The following EYS variants were observed in gnomAD, a reference collection of about 807,000 sequenced individuals.
EYS encodes the protein protein eyes shut homolog.
A neutral mutation model predicts 282.1 loss-of-function variants in EYS; 250 were observed. The observed-to-expected ratio is 0.89, with a 90% CI of 0.80 to 0.98. The LOEUF (loss-of-function observed/expected upper bound fraction) is 0.98. EYS is among the 50% of genes least tolerant of loss of function. The pLI, the probability that EYS is intolerant of heterozygous loss-of-function variation, is 0.00. For missense variants in EYS, 4,016 were observed against 3,709.0 expected, an observed-to-expected ratio of 1.08 and a Z score of -2.15; for synonymous variants, 1,355 against 1,282.9, an observed-to-expected ratio of 1.06 and a Z score of -1.20.
At chr6:65,448,608 T>C (rs1217258649) in intron 5 of EYS, among the ~76,000 whole-genome samples, 1 of 152,034 alleles carries the variant, frequency 6.6e-6, no homozygotes, top group Admixed American at 6.6e-5. Flanking sequence ...ATTTTGTTCA[T>C]TGGCACACAC....
At chr6:65,033,376 A>G (rs9354209) in intron 13 of EYS, among the ~76,000 whole-genome samples, 148,112 of 152,270 alleles carry the variant, frequency 0.97, 72,119 homozygotes, top group African/African-American at 0.99. Flanking sequence ...AGAGCAATGG[A>G]AAACATGCCT....
intron 33 of EYS, among the ~76,000 whole-genome samples, chr6:64,035,505 T>C (rs150131464): frequency 1.5e-4 from 23 of 152,306 alleles, no homozygotes; most frequent in Admixed American, 3.9e-4. Context: ...GTCTTGCAAA[T>C]ACTCCGATGT....
intron 29 of EYS, among the ~76,000 whole-genome samples, chr6:64,356,453 T>C (rs1015223046): frequency 6.6e-6 from 1 of 151,712 alleles, no homozygotes. Flanking sequence ...CTCTTCCCCC[T>C]GAAGCAGTTT....
chr6:64,145,787 CT>C (rs1774496736), intron 31 of EYS, among the ~76,000 whole-genome samples: 1 of 148,006 alleles, frequency 6.8e-6, no homozygotes. Context: ...GGAAGATCTG[CT>C]CCTCTTTATT....
intron 12 of EYS, among the ~76,000 whole-genome samples, chr6:65,275,671 T>C (rs1291284000): frequency 6.6e-6 from 1 of 152,168 alleles, no homozygotes; most frequent in Non-Finnish European, 1.5e-5. Flanking sequence ...AGCCAATGGT[T>C]TGACTGGATG....
chr6:65,127,490 T>A (rs1775752560), intron 12 of EYS, among the ~76,000 whole-genome samples: 1 of 152,056 alleles, frequency 6.6e-6, no homozygotes, highest in African/African-American at 2.4e-5. Context: ...CAGAAGCCTA[T>A]CAACACAGTA....
intron 41 of EYS, among the ~76,000 whole-genome samples, chr6:63,727,508 G>C (rs1768656258): frequency 6.7e-6 from 1 of 150,308 alleles, no homozygotes; most frequent in Admixed American, 6.7e-5. Flanking sequence ...GTAGAGGTTA[G>C]AATCACCTGA....
intron 12 of EYS, among the ~76,000 whole-genome samples, chr6:65,098,845 C>T (rs1490332270): frequency 6.6e-6 from 1 of 150,450 alleles, no homozygotes; most frequent in Non-Finnish European, 1.5e-5. Flanking sequence ...AGGCAAAATT[C>T]CTATAAACAA....
chr6:64,125,221 A>C (rs201547252), intron 31 of EYS, among the ~76,000 whole-genome samples: 1 of 150,972 alleles, frequency 6.6e-6, no homozygotes, highest in East Asian at 1.9e-4. Flanking sequence ...TATTATGCAT[A>C]CAACCAGGCT....
At chr6:64,309,954 A>G (rs1036297213) in intron 29 of EYS, among the ~76,000 whole-genome samples, 12 of 106,356 alleles carry the variant, frequency 1.1e-4, no homozygotes, top group Non-Finnish European at 1.9e-4. Context: ...ACAGAGCAAG[A>G]CTCCATGAAA....
At chr6:64,909,042 C>T (rs1767913179) in intron 16 of EYS, among the ~76,000 whole-genome samples, 1 of 152,106 alleles carries the variant, frequency 6.6e-6, no homozygotes. Flanking sequence ...TGGCTGCCTC[C>T]TGTCACTATC....
At chr6:64,281,442 G>A (rs1768306929) in intron 30 of EYS, among the ~76,000 whole-genome samples, 1 of 152,066 alleles carries the variant, frequency 6.6e-6, no homozygotes, top group South Asian at 2.1e-4. Context: ...ACTATTATAT[G>A]TGGATTATGA....
At chr6:63,939,725 GAT>G (rs1765177300) in intron 35 of EYS, among the ~76,000 whole-genome samples, 1 of 151,432 alleles carries the variant, frequency 6.6e-6, no homozygotes, top group Non-Finnish European at 1.5e-5. Flanking sequence ...CTAAGGAAAA[GAT>G]ATGTCATAAA....
chr6:64,503,548 G>A (rs921609410), intron 26 of EYS, among the ~76,000 whole-genome samples: 1 of 152,096 alleles, frequency 6.6e-6, no homozygotes, highest in African/African-American at 2.4e-5. Context: ...ACTCCCCTAG[G>A]CAGGTATCTG....
chr6:64,510,902 A>T (rs1489389326), intron 26 of EYS, among the ~76,000 whole-genome samples: 1 of 152,010 alleles, frequency 6.6e-6, no homozygotes, highest in Non-Finnish European at 1.5e-5. Context: ...TAGTCTTTGT[A>T]TCCCAACAGC....
chr6:65,705,126 G>A lies in EYS; in HGVS notation c.-448+2009C>T, dbSNP rs114683410. Among the ~76,000 whole-genome samples the A allele has an allele frequency of 5.0e-3, 758 of 152,082 alleles. 7 individuals are homozygous for A. The highest frequency in any genetic ancestry group is 0.017 in the African/African-American group (715 of 41,480). On this transcript the variant is annotated intron_variant, in intron 1 of 42. Transcript: ENST00000503581. ...AGACCACCTTCTCCAGTGTTATATG[G>A]GCACCATAAAAGTTACTATGAGCCT...
At chr6:63,773,346 G>A (rs1769983384) in intron 40 of EYS, among the ~76,000 whole-genome samples, 1 of 152,152 alleles carries the variant, frequency 6.6e-6, no homozygotes, top group Non-Finnish European at 1.5e-5. Flanking sequence ...AACAGTGAGA[G>A]AAAAGCAAAG....
In EYS at chr6:64,307,095, G is replaced by C; in HGVS notation, c.6079-13C>G. ...CTGGTACAGGCATCTGAGAGAGAGA[G>C]AGAGAGAGAGAAGTAGAGATAATTT... is the stretch of plus-strand genomic sequence containing the variant. On this transcript the variant is annotated splice_polypyrimidine_tract_variant and intron_variant, in intron 29 of 42. Transcript: ENST00000503581. 1 of 1,142,106 alleles carries C rather than the reference G, an allele frequency of 8.8e-7. No homozygotes were observed. 70.7% of individuals were successfully genotyped at this position (1,142,106 alleles called of 1,614,324 possible).
intron 13 of EYS, among the ~76,000 whole-genome samples, chr6:65,045,957 A>G (rs1021394645): frequency 3.3e-5 from 5 of 151,904 alleles, no homozygotes; most frequent in African/African-American, 1.2e-4. Context: ...TATTGAATAT[A>G]CTTTTACCTT....
Sources: allele counts gnomAD v4.1 joint callset (sites outside exome capture counted in the v4.1 genomes callset), GRCh38; gene constraint gnomAD v4.1.1; transcripts MANE v1.5; gene names NCBI Gene and HGNC (gene_info 2026-07-23, HGNC 2026-07-21).